The following BTBD19 variants were observed in gnomAD, a reference collection of about 807,000 sequenced individuals.
The protein encoded by BTBD19 is BTB/POZ domain-containing protein 19.
In BTBD19, 20 loss-of-function variants were observed where a neutral mutation model predicts 36.1. The ratio of observed to expected loss-of-function variants is 0.55; its 90% CI spans 0.39 to 0.80. The LOEUF (loss-of-function observed/expected upper bound fraction) is 0.80, where lower values mean the gene tolerates loss of function less well. BTBD19 is among the 30% of genes least tolerant of loss of function. The probability of loss-of-function intolerance (pLI) is 0.00; values close to 1 mark genes in which losing one functional copy is unlikely to be tolerated. For missense variants in BTBD19, 325 were observed against 389.8 expected (o/e 0.83, Z 1.40); for synonymous variants, 157 against 174.3 (o/e 0.90, Z 0.78).
Position 44,813,421 on chromosome 1 carries a change from A to C in BTBD19, c.663A>C (p.Lys221Asn). Residue 221 changes from lysine (K) to asparagine (N), a missense_variant, in exon 7 of 8, where the codon AAA (lysine) becomes AAC (asparagine). Lys to Asn is a moderately conservative substitution (Grantham distance 94). Coordinates refer to ENST00000450269, the Ensembl canonical transcript of BTBD19. The surrounding 1 kb of genome is among the most constrained non-coding windows in gnomAD (Gnocchi z 7.8). ...CTGAGGTGGCGGCCCCGGTGGTGAA[A>C]GAGCTGAGACTAGCCTTGCTGGCCC... is the stretch of plus-strand genomic sequence containing the variant. The C allele has an allele frequency of 6.5e-7, 1 of 1,549,976 alleles. No homozygotes were observed. Among genetic ancestry groups the C allele is most frequent in the Non-Finnish European group, 8.7e-7 (1 of 1,146,708 alleles).
chr1:44,809,111 G>A (rs897539889), intron 1 of BTBD19, among the ~76,000 whole-genome samples: 5 of 152,124 alleles, frequency 3.3e-5, no homozygotes, highest in African/African-American at 7.2e-5. Flanking sequence ...CAAGGCTGGC[G>A]GGGTGGAGCT....
chr1:44,811,265 G>A (rs1313291438), intron 3 of BTBD19, among the ~76,000 whole-genome samples: 1 of 151,714 alleles, frequency 6.6e-6, no homozygotes. Context: ...AAGCGTGAAT[G>A]GTGCCGAGAC....
chr1:44,808,893 A>T, exon 1 of BTBD19: 2 of 1,549,892 alleles, frequency 1.3e-6, no homozygotes, highest in Non-Finnish European at 1.7e-6. Flanking sequence ...CCTTGTCAAC[A>T]ACCCGCGATA....
Position 44,813,498 on chromosome 1 carries a change from C to T in BTBD19, c.740C>T (p.Pro247Leu), listed in dbSNP as rs1408888898. Residue 247 changes from proline (P) to leucine (L), a missense_variant and splice_region_variant, in exon 7 of 8, where the codon CCG (proline) becomes CTG (leucine). Pro to Leu is a moderately conservative substitution (Grantham distance 98, BLOSUM62 -3). Coordinates refer to ENST00000450269, the Ensembl canonical transcript of BTBD19. This position sits in a 1 kb window ranked among gnomAD's most constrained non-coding sequence, Gnocchi z 7.8. ...CAGAACCGGCAGGAACCACTCATCC[C>T]GGTGGGGACGCGGGGAACCGGCCCA... The T allele has an allele frequency of 6.5e-7, 1 of 1,549,910 alleles. No individual in the cohort carries two copies. The highest frequency in any genetic ancestry group is 1.4e-5 in the African/African-American group (1 of 72,450).
intron 3 of BTBD19, among the ~76,000 whole-genome samples, chr1:44,811,513 C>G (rs561040789): frequency 1.3e-5 from 2 of 152,236 alleles, no homozygotes; most frequent in African/African-American, 4.8e-5. Context: ...ATGTAGGGCC[C>G]TCAAGCTTTT....
Position 44,810,678 on chromosome 1 carries a change from C to T in BTBD19, c.354+71C>T. ...CGGGCTCACTTCCCGCCCTGCCTCA[C>T]ACACACTCTGGCCTGGAGAGGAACG... On this transcript the variant is annotated intron_variant, in intron 3 of 7. Coordinates refer to ENST00000450269, the Ensembl canonical transcript of BTBD19. This position sits in a 1 kb window ranked among gnomAD's most constrained non-coding sequence, Gnocchi z 4.2. The T allele has an allele frequency of 7.0e-7, 1 of 1,419,128 alleles. No individual in the cohort carries two copies. Among genetic ancestry groups the T allele is most frequent in the Non-Finnish European group, 9.4e-7 (1 of 1,058,700 alleles). The allele number at this position is 1,419,128 out of a possible 1,614,324, so 87.9% of individuals were successfully genotyped here. A position where few individuals can be genotyped will look rare whatever the true frequency, so the allele number is the denominator to read the frequency against.
Position 44,813,642 on chromosome 1 carries a change from A to C in BTBD19, c.746A>C (p.Glu249Ala). Residue 249 changes from glutamate (E) to alanine (A), a missense_variant, in exon 8 of 8, where the codon GAG becomes GCG. Coordinates refer to ENST00000450269, the Ensembl canonical transcript of BTBD19. This position sits in a 1 kb window ranked among gnomAD's most constrained non-coding sequence, Gnocchi z 7.8. ...CTAACTGGCCTTGCTCTGCAGGTGG[A>C]GCAGATTGTGGAGGCGTGGAAATGC... 1 of 1,549,548 alleles carries C rather than the reference A, an allele frequency of 6.5e-7. No homozygotes were observed. Among genetic ancestry groups the C allele is most frequent in the Non-Finnish European group, 8.7e-7 (1 of 1,145,464 alleles).
intron 3 of BTBD19, 85 bp from the exon 4 acceptor site, chr1:44,811,954 C>T (rs1652435243): frequency 8.8e-7 from 1 of 1,138,762 alleles, no homozygotes; most frequent in Admixed American, 2.3e-5. Flanking sequence ...CTCACCGCTC[C>T]AAGCCTGCTC....
chr1:44,810,582 A>G lies in BTBD19; in HGVS notation c.329A>G (p.Glu110Gly), dbSNP rs200420800. The G allele has an allele frequency of 1.3e-6, 2 of 1,549,576 alleles. No individual in the cohort carries two copies. The highest frequency in any genetic ancestry group is 2.4e-5 in the South Asian group (2 of 83,160). Residue 110 changes from glutamate to glycine, a missense_variant, in exon 3 of 8, where the codon GAG becomes GGG. Glu to Gly is a moderately conservative substitution (Grantham distance 98). Coordinates refer to ENST00000450269, the Ensembl canonical transcript of BTBD19. The surrounding 1 kb of genome is among the most constrained non-coding windows in gnomAD (Gnocchi z 4.2). ...CTGGAAGTGCTGACAGCGGCTGTGG[A>G]GTATGGGCTGGAGGAACTGAGAGAG...
At chr1:44,814,206 CTTTCT>C (rs1553163564), downstream of BTBD19, 1 of 137,128 alleles carries the variant, frequency 7.3e-6, no homozygotes, top group South Asian at 2.2e-4. Flanking sequence ...TTCTTTCTTT[CTTTCT>C]TTTTCTTTCT....
rs866938556 is a variant in BTBD19, at chr1:44,813,246, C to T, written c.592C>T (p.Arg198Ter). 4 of 1,537,766 alleles carry T rather than the reference C, an allele frequency of 2.6e-6. No individual in the cohort carries two copies. The highest frequency in any genetic ancestry group is 2.6e-6 in the Non-Finnish European group (3 of 1,143,442). Residue 198 changes from arginine to a stop codon, truncating the protein, a stop_gained, in exon 6 of 8, where the codon CGA becomes TGA. Coordinates refer to ENST00000450269, the Ensembl canonical transcript of BTBD19. LOFTEE classifies it high-confidence loss of function. This position sits in a 1 kb window ranked among gnomAD's most constrained non-coding sequence, Gnocchi z 7.8. ...CGAGGCTGAACTGGTCCGCGCGGCCCGAAGCTGGGCGCGCGTGGGCGCGGT... is the reference window on the plus strand; with the variant it reads ...CGAGGCTGAACTGGTCCGCGCGGCCTGAAGCTGGGCGCGCGTGGGCGCGGT...
rs200203572 is a variant in BTBD19, at chr1:44,813,091, C to T, written c.483+27C>T. 1.9e-5 allele frequency: 29 copies of T among 1,546,852 alleles called. No homozygotes were observed. The highest frequency in any genetic ancestry group is 4.8e-5 in the South Asian group (4 of 83,766). On this transcript the variant is annotated intron_variant, in intron 5 of 7. Transcript: ENST00000450269. The surrounding 1 kb of genome is among the most constrained non-coding windows in gnomAD (Gnocchi z 7.8). Reference sequence around the variant, plus strand: ...TACTGCTCCCTTCATACTCCTCACCCTACGCACCGCATTCTGCTCCTCCCT... The same window carrying T: ...TACTGCTCCCTTCATACTCCTCACCTTACGCACCGCATTCTGCTCCTCCCT...
Position 44,813,260 on chromosome 1 carries a change from C to G in BTBD19, c.606C>G (p.Arg202=). 6.5e-7 allele frequency: 1 copy of G among 1,536,054 alleles called. No homozygotes were observed. The highest frequency in any genetic ancestry group is 8.7e-7 in the Non-Finnish European group (1 of 1,143,344). ...TCCGCGCGGCCCGAAGCTGGGCGCGCGTGGGCGCGGTGAGTGGGGCTGGGG... is the reference window on the plus strand; with the variant it reads ...TCCGCGCGGCCCGAAGCTGGGCGCGGGTGGGCGCGGTGAGTGGGGCTGGGG... The change falls in exon 6 of 8, where the codon CGC becomes CGG. Residue 202 remains arginine, a synonymous_variant. Transcript: ENST00000450269. The surrounding 1 kb of genome is among the most constrained non-coding windows in gnomAD (Gnocchi z 7.8).
Position 44,813,160 on chromosome 1 carries a change from T to C in BTBD19, c.506T>C (p.Phe169Ser). ...CAGGAGGCCCTCCGGACCCGAGGCT[T>C]CCTGGAGCTGTCGGCGGCCGCGCTG... The change falls in exon 6 of 8, where the codon TTC (phenylalanine) becomes TCC (serine). Residue 169 changes from phenylalanine (F) to serine (S), a missense_variant. Physicochemically the swap from Phe to Ser is radical, Grantham distance 155. Coordinates refer to ENST00000450269, the Ensembl canonical transcript of BTBD19. This position sits in a 1 kb window ranked among gnomAD's most constrained non-coding sequence, Gnocchi z 7.8. The C allele has an allele frequency of 6.5e-7, 1 of 1,548,478 alleles. No homozygotes were observed. The highest frequency in any genetic ancestry group is 8.7e-7 in the Non-Finnish European group (1 of 1,144,934).
Position 44,810,468 on chromosome 1 carries a change from G to C in BTBD19, c.300+42G>C, listed in dbSNP as rs1652353470. 1 of 1,550,946 alleles carries C rather than the reference G, an allele frequency of 6.4e-7. No homozygotes were observed. Among genetic ancestry groups the C allele is most frequent in the Non-Finnish European group, 8.7e-7 (1 of 1,146,406 alleles). On this transcript the variant is annotated intron_variant, in intron 2 of 7. Transcript: ENST00000450269. The surrounding 1 kb of genome is among the most constrained non-coding windows in gnomAD (Gnocchi z 4.2). ...GGGGCCTGGGTGGGAGAGGTGGGGG[G>C]TGCCAGAGGCAGGAGTTTGCCCATT...
downstream of BTBD19, chr1:44,814,909 C>A (rs1652644091): frequency 6.6e-6 from 1 of 152,338 alleles, no homozygotes; most frequent in Admixed American, 6.6e-5. Flanking sequence ...CCTGAATGCC[C>A]CTCAGACACC....
In BTBD19 at chr1:44,813,938, G is replaced by T; in HGVS notation, c.*166G>T. 2 of 1,179,040 alleles carry T rather than the reference G, an allele frequency of 1.7e-6. No individual in the cohort carries two copies. Among genetic ancestry groups the T allele is most frequent in the East Asian group, 2.6e-5 (1 of 38,568 alleles). The allele number at this position is 1,179,040 out of a possible 1,614,324, so 73.0% of individuals were successfully genotyped here. A position where few individuals can be genotyped will look rare whatever the true frequency, so the allele number is the denominator to read the frequency against. On this transcript the variant is annotated 3_prime_UTR_variant, in exon 8 of 8. Coordinates refer to ENST00000450269, the Ensembl canonical transcript of BTBD19. The surrounding 1 kb of genome is among the most constrained non-coding windows in gnomAD (Gnocchi z 7.8). Reference sequence around the variant, plus strand: ...CTGCCACGCGCAGCCCCTTGTGCGGGATCAAGCCCGTGTGGGCGAGGTGGG... The same window carrying T: ...CTGCCACGCGCAGCCCCTTGTGCGGTATCAAGCCCGTGTGGGCGAGGTGGG...
chr1:44,814,185 TC>T (rs1427421983), downstream of BTBD19: 1 of 144,314 alleles, frequency 6.9e-6, no homozygotes, highest in Non-Finnish European at 1.4e-5. Flanking sequence ...TTTCTTTCTT[TC>T]TTTCTTTCTT....
Position 44,810,505 on chromosome 1 carries a change from A to C in BTBD19, c.301-49A>C. 1.4e-5 allele frequency: 21 copies of C among 1,550,888 alleles called. No homozygotes were observed. The highest frequency in any genetic ancestry group is 1.8e-5 in the Non-Finnish European group (21 of 1,146,824). Reference sequence around the variant, plus strand: ...GGAGTTTGCCCATTACACTGTGGGCACAGGGCAGGGGAAACTCCCTTCCAC... The same window carrying C: ...GGAGTTTGCCCATTACACTGTGGGCCCAGGGCAGGGGAAACTCCCTTCCAC... On this transcript the variant is annotated intron_variant, in intron 2 of 7. Transcript: ENST00000450269. This position sits in a 1 kb window ranked among gnomAD's most constrained non-coding sequence, Gnocchi z 4.2.
Sources: allele counts gnomAD v4.1 joint callset (sites outside exome capture counted in the v4.1 genomes callset), GRCh38; gene constraint gnomAD v4.1.1; non-coding constraint Gnocchi (gnomAD v3.1); transcripts MANE v1.5; gene names NCBI Gene and HGNC (gene_info 2026-07-23, HGNC 2026-07-21).